LIN7A: variants seen among roughly 807,000 people sequenced by gnomAD.
LIN7A encodes protein lin-7 homolog A.
A neutral mutation model predicts 29.8 loss-of-function variants in LIN7A; 25 were observed. The observed-to-expected ratio is 0.84, with a 90% CI of 0.61 to 1.17. The LOEUF (loss-of-function observed/expected upper bound fraction) is 1.17. Ranked by LOEUF, LIN7A falls within the 50% of genes most tolerant of loss-of-function variation. The pLI, the probability that LIN7A is intolerant of heterozygous loss-of-function variation, is 0.00. For synonymous variants in LIN7A, 118 were observed against 107.5 expected (o/e 1.10, Z -0.60); for missense variants, 239 against 287.0 (o/e 0.83, Z 1.21).
At chr12:80,843,500 A>G (rs1872918303) in intron 4 of LIN7A, among the ~76,000 whole-genome samples, 1 of 152,152 alleles carries the variant, frequency 6.6e-6, no homozygotes, top group Non-Finnish European at 1.5e-5. Context: ...TTGCTAACAT[A>G]TGCTTATATA....
intron 1 of LIN7A, among the ~76,000 whole-genome samples, chr12:80,907,055 CTGTGTGTGTGTGTGTG>C (rs529376132): frequency 0.015 from 2,247 of 145,388 alleles, 29 homozygotes; most frequent in Middle Eastern, 0.048. Context: ...AGTGCGTGCT[CTGTGTGTGTGTGTGTG>C]TGTGTGTGTG....
intron 1 of LIN7A, among the ~76,000 whole-genome samples, chr12:80,932,909 A>C (rs1877992233): frequency 6.6e-6 from 1 of 152,232 alleles, no homozygotes; most frequent in South Asian, 2.1e-4. Context: ...TTAAAGATTA[A>C]AATCTGAGCA....
At chr12:80,807,272 G>A (rs539565175) in intron 5 of LIN7A, among the ~76,000 whole-genome samples, 4 of 151,816 alleles carry the variant, frequency 2.6e-5, no homozygotes, top group African/African-American at 4.8e-5. Context: ...GGGTTTCACC[G>A]AATTAGCCAG....
intron 1 of LIN7A, among the ~76,000 whole-genome samples, chr12:80,893,842 T>G (rs1167331479): frequency 6.6e-6 from 1 of 152,098 alleles, no homozygotes; most frequent in East Asian, 1.9e-4. Context: ...CCTTAAGCCA[T>G]CTAGTGGGTA....
rs1330395301 is a variant in LIN7A at position 80,937,875 on chromosome 12, G to T, written c.-153C>A. 5.9e-6 allele frequency: 3 copies of T among 512,086 alleles called. No individual in the cohort carries two copies. The highest frequency in any genetic ancestry group is 1.0e-5 in the Non-Finnish European group (3 of 297,730). The allele number at this position is 512,086 out of a possible 1,614,324, so 31.7% of individuals were successfully genotyped here. A position where few individuals can be genotyped will look rare whatever the true frequency, so the allele number is the denominator to read the frequency against. ...TTGGTAGCCAGATGGAGACGCAACT[G>T]TTCCGCGGCGGCAGATCTTCAGTTG... On this transcript the variant is annotated 5_prime_UTR_variant, in exon 1 of 6. Transcript: ENST00000552864.
At chr12:80,896,471 T>C (rs2120697524) in intron 1 of LIN7A, among the ~76,000 whole-genome samples, 1 of 152,358 alleles carries the variant, frequency 6.6e-6, no homozygotes, top group South Asian at 2.1e-4. Context: ...TAATGCTTTG[T>C]ACTTCTATCA....
At chr12:80,804,272 T>C (rs957866895) in intron 5 of LIN7A, among the ~76,000 whole-genome samples, 1 of 152,132 alleles carries the variant, frequency 6.6e-6, no homozygotes, top group Non-Finnish European at 1.5e-5. Flanking sequence ...TAAATTATTA[T>C]TGACTATAGT....
Position 80,883,233 on chromosome 12 carries a change from GTATGTATTTTCT to G in LIN7A, c.201+6006_201+6017del, listed in dbSNP as rs1303587857. 2.0e-5 allele frequency among the ~76,000 whole-genome samples: 3 copies of G among 151,920 alleles called. No individual in the cohort carries two copies. In the East Asian group the frequency reaches 5.8e-4, roughly 29 times the overall value. On this transcript the variant is annotated intron_variant, in intron 2 of 5. Coordinates refer to ENST00000552864, the MANE Select transcript of LIN7A (RefSeq NM_004664.4). ...TCTCATATTGTCACTAATGAGCCAA[GTATGTATTTTCT>G]TAGGGTAATTCTGAATCTAAGTTGT...
chr12:80,922,950 C>T (rs1405810921), intron 1 of LIN7A, among the ~76,000 whole-genome samples: 1 of 152,060 alleles, frequency 6.6e-6, no homozygotes. Context: ...GGGGTCTTGG[C>T]ACATACCCCC....
At chr12:80,847,788 C>T (rs1873146609) in intron 3 of LIN7A, among the ~76,000 whole-genome samples, 1 of 152,134 alleles carries the variant, frequency 6.6e-6, no homozygotes, top group Non-Finnish European at 1.5e-5. Context: ...TATGCCACAT[C>T]CTTTCAGCAA....
intron 4 of LIN7A, among the ~76,000 whole-genome samples, chr12:80,840,609 A>AAT (rs1030684850): frequency 8.0e-6 from 1 of 124,780 alleles, no homozygotes; most frequent in African/African-American, 3.0e-5. Context: ...AAATAAATAA[A>AAT]ACATATTGTG....
chr12:80,928,222 C>A (rs958898233), intron 1 of LIN7A, among the ~76,000 whole-genome samples: 2 of 152,120 alleles, frequency 1.3e-5, no homozygotes, highest in African/African-American at 4.8e-5. Flanking sequence ...GATATATACT[C>A]AGTAATGGGA....
intron 1 of LIN7A, among the ~76,000 whole-genome samples, chr12:80,911,617 T>C (rs1166382282): frequency 6.6e-6 from 1 of 152,200 alleles, no homozygotes; most frequent in Admixed American, 6.5e-5. Context: ...GTACCTTTTC[T>C]AGTTGGGGAG....
At chr12:80,858,824 T>C (rs1815704962) in intron 2 of LIN7A, among the ~76,000 whole-genome samples, 1 of 152,176 alleles carries the variant, frequency 6.6e-6, no homozygotes, top group South Asian at 2.1e-4. Flanking sequence ...TGAAATTTAC[T>C]AGTGTACTTA....
chr12:80,842,978 T>C (rs894652050), intron 4 of LIN7A, among the ~76,000 whole-genome samples: 1 of 126,518 alleles, frequency 7.9e-6, no homozygotes, highest in Non-Finnish European at 1.8e-5. Context: ...TAGCATTAGA[T>C]TGGAAAGATA....
chr12:80,893,339 C>G (rs1430242190), intron 1 of LIN7A, among the ~76,000 whole-genome samples: 1 of 152,132 alleles, frequency 6.6e-6, no homozygotes, highest in Non-Finnish European at 1.5e-5. Flanking sequence ...TACCACAGAC[C>G]AATTAAACCA....
intron 1 of LIN7A, among the ~76,000 whole-genome samples, chr12:80,908,561 A>G (rs1480875436): frequency 6.6e-6 from 1 of 152,094 alleles, no homozygotes; most frequent in Non-Finnish European, 1.5e-5. Flanking sequence ...GAGACTAATA[A>G]GAGAGCTTAC....
intron 2 of LIN7A, among the ~76,000 whole-genome samples, chr12:80,864,215 C>A (rs945996076): frequency 3.3e-5 from 5 of 151,984 alleles, no homozygotes; most frequent in Non-Finnish European, 5.9e-5. Flanking sequence ...GATGACATGG[C>A]AAATCAACTC....
At position 80,803,857 on chromosome 12, in the gene LIN7A, G is replaced by T. The variant is rs78665279; in HGVS notation, c.*1-6131C>A. ...AAAGGTAATCGATAAGGGTGATTTGGATAACTGCATAAGACTGAATCCCCA... is the reference window on the plus strand; with the variant it reads ...AAAGGTAATCGATAAGGGTGATTTGTATAACTGCATAAGACTGAATCCCCA... On this transcript the variant is annotated intron_variant, in intron 5 of 5. Coordinates refer to ENST00000552864, the MANE Select transcript of LIN7A (RefSeq NM_004664.4). 7.6e-4 allele frequency among the ~76,000 whole-genome samples: 116 copies of T among 152,280 alleles called. 1 individual carries two copies. The highest frequency in any genetic ancestry group is 6.9e-3 in the East Asian group (36 of 5,188).
Sources: gnomAD v4.1 joint callset for allele counts (sites outside exome capture counted in the v4.1 genomes callset) on GRCh38, gnomAD v4.1.1 for gene constraint, MANE v1.5 for transcripts, NCBI Gene and HGNC (gene_info 2026-07-23, HGNC 2026-07-21) for gene names.